The following DMD variants were observed in gnomAD, a reference collection of about 807,000 sequenced individuals.
DMD encodes dystrophin, also known as mutant dystrophin.
DMD carries 63 observed loss-of-function variants against 330.1 expected under a neutral mutation model. That is an observed-to-expected ratio of 0.19 (90% CI 0.16 to 0.24). The LOEUF (loss-of-function observed/expected upper bound fraction) is 0.24, where lower values mean the gene tolerates loss of function less well. DMD is among the 10% of genes least tolerant of loss of function. DMD has a pLI of 1.00. For missense variants in DMD, 3,344 were observed against 2,684.1 expected (o/e 1.25, Z -5.43); for synonymous variants, 1,223 against 959.8 (o/e 1.27, Z -5.07).
At chrX:32,928,797 C>A (rs2146665066) in intron 2 of DMD, among the ~76,000 whole-genome samples, 1 of 111,966 alleles carries the variant, frequency 8.9e-6, no homozygotes, top group South Asian at 3.7e-4. Context: ...TAATTGCTTA[C>A]AATCAGATAT....
intron 55 of DMD, among the ~76,000 whole-genome samples, chrX:31,577,205 T>C (rs1400908290): frequency 8.9e-6 from 1 of 112,684 alleles, no homozygotes; most frequent in Non-Finnish European, 1.9e-5. Context: ...CGCAACCATA[T>C]AATATCTTTG....
rs762758925 is a variant in DMD, at chrX:31,924,097, A to AT, written c.6912+5498dup. Among the ~76,000 whole-genome samples, 756 of 109,986 alleles carry AT rather than the reference A, an allele frequency of 6.9e-3. 9 individuals carry two copies. Among genetic ancestry groups the AT allele is most frequent in the African/African-American group, 0.023 (697 of 30,302 alleles). The stretch of plus-strand genomic sequence containing the variant: ...TACTTCCTACTATATATTTTACAGC[A>AT]TTTTTTTTTCCGGGGTTCCATAAAT... On this transcript the variant is annotated intron_variant, in intron 47 of 78. Transcript: ENST00000357033.
intron 44 of DMD, among the ~76,000 whole-genome samples, chrX:32,009,920 C>T (rs1293894): frequency 0.19 from 21,532 of 111,289 alleles, 2,318 homozygotes; most frequent in East Asian, 0.41. Flanking sequence ...ATAGCAGAAA[C>T]GAGTCCCTGG....
intron 44 of DMD, among the ~76,000 whole-genome samples, chrX:32,027,143 G>GAC (rs777826426): frequency 0.019 from 1,397 of 72,009 alleles, 31 homozygotes; most frequent in African/African-American, 0.069. Flanking sequence ...TGAGTATTAT[G>GAC]ACACACACAC....
rs776793013 is a variant in DMD at position 31,896,112 on chromosome X, A to G, written c.6913-20739T>C. 1.1e-4 allele frequency among the ~76,000 whole-genome samples: 12 copies of G among 108,326 alleles called. No homozygotes were observed. The South Asian group carries it at 4.2e-3, about 38-fold the overall frequency. 94.1% of individuals were successfully genotyped at this position (108,326 alleles called of 115,157 possible). ...TAGTATGACTAAAAGAAAAATATGT[A>G]TTAGTTATTGTACAAGATAACTTGA... On this transcript the variant is annotated intron_variant, in intron 47 of 78. Transcript: ENST00000357033.
chrX:33,033,580 G>A (rs1394087759), intron 1 of DMD, among the ~76,000 whole-genome samples: 6 of 94,639 alleles, frequency 6.3e-5, no homozygotes, highest in African/African-American at 9.4e-5. Flanking sequence ...CTAGCCGGGC[G>A]TGGTGGCGGG....
At chrX:32,917,621 G>A (rs983248109) in intron 2 of DMD, among the ~76,000 whole-genome samples, 2 of 111,341 alleles carry the variant, frequency 1.8e-5, no homozygotes, top group African/African-American at 6.5e-5. Flanking sequence ...TGTCACTTCT[G>A]GGGAAAAAAA....
intron 44 of DMD, among the ~76,000 whole-genome samples, chrX:32,009,554 C>G (rs987213391): frequency 1.2e-4 from 13 of 111,614 alleles, no homozygotes; most frequent in African/African-American, 3.6e-4. Context: ...ACAGAGATTA[C>G]TATTTTTATT....
chrX:32,361,338 T>C (rs942173553), intron 37 of DMD, among the ~76,000 whole-genome samples: 1 of 111,584 alleles, frequency 9.0e-6, no homozygotes, highest in Admixed American at 9.7e-5. Context: ...CAGGTAATAA[T>C]GACTGACTCA....
intron 1 of DMD, among the ~76,000 whole-genome samples, chrX:33,175,423 T>C (rs2049595069): frequency 8.9e-6 from 1 of 112,517 alleles, no homozygotes; most frequent in Admixed American, 9.4e-5. Flanking sequence ...ACGTATATTA[T>C]GCCCAAGGCA....
At chrX:32,648,510 G>A (rs1470115056) in intron 9 of DMD, among the ~76,000 whole-genome samples, 3 of 111,197 alleles carry the variant, frequency 2.7e-5, no homozygotes, top group Admixed American at 9.6e-5. Flanking sequence ...AACAATTATT[G>A]TCTCAATTTT....
intron 13 of DMD, among the ~76,000 whole-genome samples, chrX:32,583,387 T>C (rs2053876462): frequency 9.0e-6 from 1 of 111,221 alleles, no homozygotes; most frequent in African/African-American, 3.3e-5. Flanking sequence ...CAAACCCAGC[T>C]ATTCAGGAGG....
At chrX:33,063,789 G>A in intron 1 of DMD, among the ~76,000 whole-genome samples, 1 of 110,264 alleles carries the variant, frequency 9.1e-6, no homozygotes, top group Non-Finnish European at 1.9e-5. Flanking sequence ...CTATGCCGGG[G>A]CTTGGGCATA....
chrX:32,829,903 A>C (rs1428586991), intron 4 of DMD, among the ~76,000 whole-genome samples: 1 of 112,021 alleles, frequency 8.9e-6, no homozygotes, highest in Non-Finnish European at 1.9e-5. Flanking sequence ...AATTCTCCAC[A>C]AAAAGCTTTA....
chrX:32,761,864 C>T (rs187354924), intron 7 of DMD, among the ~76,000 whole-genome samples: 149 of 111,047 alleles, frequency 1.3e-3, no homozygotes, highest in Middle Eastern at 4.7e-3. Context: ...AAACCTGAGT[C>T]CTCGGGCTGG....
At chrX:32,566,401 A>C (rs910806484) in intron 15 of DMD, among the ~76,000 whole-genome samples, 6 of 112,352 alleles carry the variant, frequency 5.3e-5, no homozygotes, top group African/African-American at 1.9e-4. Context: ...TTGTTTCCAC[A>C]GTTTTAACAT....
At chrX:32,561,926 A>C (rs2149072144) in intron 16 of DMD, among the ~76,000 whole-genome samples, 1 of 111,953 alleles carries the variant, frequency 8.9e-6, no homozygotes, top group African/African-American at 3.2e-5. Flanking sequence ...GCAGAATTTC[A>C]TATCCAGACA....
At chrX:33,131,610 C>T in intron 1 of DMD, among the ~76,000 whole-genome samples, 1 of 111,945 alleles carries the variant, frequency 8.9e-6, no homozygotes, top group East Asian at 2.8e-4. Context: ...AGACCAAGCC[C>T]TGCAGACAAA....
At chrX:32,972,274 C>A (rs1171166599) in intron 2 of DMD, among the ~76,000 whole-genome samples, 3 of 109,212 alleles carry the variant, frequency 2.7e-5, no homozygotes, top group African/African-American at 1.0e-4. Flanking sequence ...ACCTCCCGGG[C>A]TCAAGAGATC....
Sources: allele counts gnomAD v4.1 joint callset (sites outside exome capture counted in the v4.1 genomes callset), GRCh38; gene constraint gnomAD v4.1.1; transcripts MANE v1.5; gene names NCBI Gene and HGNC (gene_info 2026-07-23, HGNC 2026-07-21).